Variants in CLUH observed in about 807,000 individuals in gnomAD.
CLUH encodes the protein clustered mitochondria protein homolog.
CLUH carries 77 observed loss-of-function variants against 139.3 expected under a neutral mutation model. The ratio of observed to expected loss-of-function variants is 0.55; its 90% CI spans 0.46 to 0.67. CLUH has a LOEUF of 0.67. CLUH is among the 30% of genes least tolerant of loss of function. The pLI, the probability that CLUH is intolerant of heterozygous loss-of-function variation, is 0.00. For missense variants in CLUH, 1,876 were observed against 1,875.8 expected (o/e 1.00, Z 0.00); for synonymous variants, 999 against 801.6 (o/e 1.25, Z -4.16).
chr17:2,695,081 G>C lies in CLUH; in HGVS notation c.2628C>G (p.Leu876=), dbSNP rs1567582706. ...TYLQGVELSG[L]SAAISHFLNC... ...TCAGGAAGTGGCTGATGGCGGCTGA[G>C]AGGCCGGAGAGCTCGACTCCCTGCG... is the stretch of plus-strand genomic sequence containing the variant. The change falls in exon 16 of 26, where the codon CTC becomes CTG. Residue 876 remains leucine, a synonymous_variant. Coordinates refer to ENST00000651024, the MANE Select transcript of CLUH (RefSeq NM_001366661.1). 1 of 1,612,190 alleles carries C rather than the reference G, an allele frequency of 6.2e-7. No individual in the cohort carries two copies. The highest frequency in any genetic ancestry group is 8.5e-7 in the Non-Finnish European group (1 of 1,179,106).
intron 25 of CLUH, among the ~76,000 whole-genome samples, chr17:2,691,330 G>A (rs1168343662): frequency 6.6e-6 from 1 of 152,132 alleles, no homozygotes; most frequent in Non-Finnish European, 1.5e-5. Flanking sequence ...CTGAGAGGCC[G>A]AGGCGGGCGG....
In CLUH at chr17:2,701,531, G is replaced by T; in HGVS notation, c.745-11C>A. 2 of 1,613,612 alleles carry T rather than the reference G, an allele frequency of 1.2e-6. No individual in the cohort carries two copies. The highest frequency in any genetic ancestry group is 8.5e-7 in the Non-Finnish European group (1 of 1,179,772). On this transcript the variant is annotated splice_polypyrimidine_tract_variant and intron_variant, in intron 5 of 25. Coordinates refer to ENST00000651024, the MANE Select transcript of CLUH (RefSeq NM_001366661.1). ...CAGGCACTGCAAGGGCTTCGGGAGC[G>T]GCCGAGTCTGAGGGGCCAGGCCTCT...
At position 2,707,953 on chromosome 17, in the gene CLUH, C is replaced by T. The variant is rs574642504; in HGVS notation, c.101-3389G>A. 3.8e-5 allele frequency: 37 copies of T among 985,438 alleles called. No homozygotes were observed. In the East Asian group the frequency reaches 3.7e-3, roughly 100 times the overall value. The allele number at this position is 985,438 out of a possible 1,614,324, so 61.0% of individuals were successfully genotyped here. A position where few individuals can be genotyped will look rare whatever the true frequency, so the allele number is the denominator to read the frequency against. On this transcript the variant is annotated intron_variant, in intron 1 of 25. Coordinates refer to ENST00000651024, the MANE Select transcript of CLUH (RefSeq NM_001366661.1). The surrounding 1 kb of genome is among the most constrained non-coding windows in gnomAD (Gnocchi z 7.4). ...CACCCGTGCCCCTGGCCTCCAGGCT[C>T]CATCAAGAAGCTGGCAGGCTCCATC...
At chr17:2,700,591 A>G in intron 8 of CLUH, 87 bp downstream of exon 8, 2 of 1,533,376 alleles carry the variant, frequency 1.3e-6, no homozygotes, top group Non-Finnish European at 1.8e-6. Flanking sequence ...GAAGTCAAGC[A>G]TGGGGCCTCC....
At chr17:2,691,950 CGCCCCGCCACG>C in intron 23 of CLUH, 43 bp downstream of exon 23, 1 of 1,097,244 alleles carries the variant, frequency 9.1e-7, no homozygotes. Flanking sequence ...GCCCCGCCCC[CGCCCCGCCACG>C]CCCCCGCCCC....
At chr17:2,697,032 A>T in intron 10 of CLUH, 90 bp from the exon 11 acceptor site, 1 of 997,360 alleles carries the variant, frequency 1.0e-6, no homozygotes, top group Non-Finnish European at 1.5e-6. Flanking sequence ...GGGGCTCCAC[A>T]CCCCGCAGGC....
At position 2,703,365 on chromosome 17, in the gene CLUH, C is replaced by T. The variant is rs550332953; in HGVS notation, c.428G>A (p.Arg143His). The change falls in exon 3 of 26, where the codon CGC (arginine) becomes CAC (histidine). Residue 143 changes from arginine to histidine, a missense_variant. This residue lies in a region of CLUH where 270 missense variants were observed against 354.7 expected (regional missense o/e 0.76). Transcript: ENST00000651024. This position sits in a 1 kb window ranked among gnomAD's most constrained non-coding sequence, Gnocchi z 4.2. ...GNVLDHFSEL[R>H]SVEGLQEGSV... ...GCCCTCCTGCAGCCCCTCGACGCTGCGCAGCTCCGAGAAGTGGTCCAGCAC... is the reference window on the plus strand; with the variant it reads ...GCCCTCCTGCAGCCCCTCGACGCTGTGCAGCTCCGAGAAGTGGTCCAGCAC... 5 of 1,613,054 alleles carry T rather than the reference C, an allele frequency of 3.1e-6. No individual in the cohort carries two copies. Among genetic ancestry groups the T allele is most frequent in the South Asian group, 1.1e-5 (1 of 90,870 alleles).
In CLUH at chr17:2,711,644, G is replaced by A. The variant is rs2070527737; in HGVS notation, c.18C>T (p.Asp6=). 1.0e-6 allele frequency: 1 copy of A among 984,484 alleles called. No individual in the cohort carries two copies. Among genetic ancestry groups the A allele is most frequent in the African/African-American group, 1.7e-5 (1 of 57,206 alleles). The allele number at this position is 984,484 out of a possible 1,614,324, so 61.0% of individuals were successfully genotyped here. ...CGGCCGGGGCGGCCGCCGGCAACTC[G>A]TCCGTCTTGATAACCATGGTGGCGG... The part of the protein sequence containing the change: MVIKT[D]ELPAAAPADS... Residue 6 remains aspartate (D), a synonymous_variant, in exon 1 of 26, where the codon GAC becomes GAT. Transcript: ENST00000651024.
Position 2,703,616 on chromosome 17 carries a change from G to T in CLUH, c.304-127C>A. 1 of 862,336 alleles carries T rather than the reference G, an allele frequency of 1.2e-6. No individual in the cohort carries two copies. Among genetic ancestry groups the T allele is most frequent in the Non-Finnish European group, 1.8e-6 (1 of 561,698 alleles). 53.4% of individuals were successfully genotyped at this position (862,336 alleles called of 1,614,324 possible). A position where few individuals can be genotyped will look rare whatever the true frequency, so the allele number is the denominator to read the frequency against. On this transcript the variant is annotated intron_variant, in intron 2 of 25. Coordinates refer to ENST00000651024, the MANE Select transcript of CLUH (RefSeq NM_001366661.1). This position sits in a 1 kb window ranked among gnomAD's most constrained non-coding sequence, Gnocchi z 4.2. The stretch of plus-strand genomic sequence containing the variant: ...AATATCCCCTTGTCCCCAGCCCAAA[G>T]TACCTTGGTCCCCAGAATAAATGCC...
chr17:2,693,862 A>C, intron 19 of CLUH, 38 bp downstream of exon 19: 1 of 1,574,630 alleles, frequency 6.4e-7, no homozygotes, highest in Admixed American at 1.9e-5. Flanking sequence ...ATCCCCCAAC[A>C]CGAGGCCAGG....
In CLUH at chr17:2,704,168, A is replaced by G. The variant is rs1382722069; in HGVS notation, c.303+194T>C. On this transcript the variant is annotated intron_variant, in intron 2 of 25. Coordinates refer to ENST00000651024, the MANE Select transcript of CLUH (RefSeq NM_001366661.1). This position sits in a 1 kb window ranked among gnomAD's most constrained non-coding sequence, Gnocchi z 5.7. ...CCCAGCTGGTTGCTGTCCTCTAGCA[A>G]TGGGGCAACGACCTGACCCTGGGCT... Among the ~76,000 whole-genome samples, 2 of 152,156 alleles carry G rather than the reference A, an allele frequency of 1.3e-5. No homozygotes were observed.
At position 2,703,289 on chromosome 17, in the gene CLUH, C is replaced by T. The variant is rs572068200; in HGVS notation, c.475+29G>A. 10 of 1,590,962 alleles carry T rather than the reference C, an allele frequency of 6.3e-6. No individual in the cohort carries two copies. The highest frequency in any genetic ancestry group is 4.6e-5 in the East Asian group (2 of 43,540). On this transcript the variant is annotated intron_variant, in intron 3 of 25. Coordinates refer to ENST00000651024, the MANE Select transcript of CLUH (RefSeq NM_001366661.1). This position sits in a 1 kb window ranked among gnomAD's most constrained non-coding sequence, Gnocchi z 4.2. ...GCCTCTGCCTCCGTGGGCCCTCCCC[C>T]GGGCAGGCTGTCCAACTTCCAGACC...
upstream of CLUH, chr17:2,711,784 G>T (rs866995106): frequency 7.2e-6 from 2 of 277,634 alleles, no homozygotes; most frequent in African/African-American, 2.3e-5. Context: ...GGTGCGCGCC[G>T]TGGCCTTTGA....
In CLUH at chr17:2,692,122, G is replaced by C. The variant is rs575129487; in HGVS notation, c.3561-25C>G. The C allele has an allele frequency of 4.1e-5, 64 of 1,576,940 alleles. 1 individual carries two copies. In the Admixed American group the frequency reaches 1.1e-3, roughly 27 times the overall value. ...GCTGCCGGGAGGCGCGGCGCGGGGC[G>C]AGGGAAGGGCATAAGTGGGCTGGGT... On this transcript the variant is annotated intron_variant, in intron 22 of 25. Coordinates refer to ENST00000651024, the MANE Select transcript of CLUH (RefSeq NM_001366661.1).
intron 10 of CLUH, among the ~76,000 whole-genome samples, chr17:2,697,401 G>GAAA (rs79574930): frequency 0.041 from 4,976 of 121,642 alleles, 324 homozygotes; most frequent in African/African-American, 0.14. Context: ...CTCCGTCTCA[G>GAAA]AAAAAAAAAA....
At position 2,691,874 on chromosome 17, in the gene CLUH, TC is replaced by T; in HGVS notation, c.3675del (p.Thr1226ProfsTer11). The T allele has an allele frequency of 6.5e-7, 1 of 1,542,264 alleles. No homozygotes were observed. Among genetic ancestry groups the T allele is most frequent in the Non-Finnish European group, 8.7e-7 (1 of 1,145,704 alleles). ...YKTQLGEDHE[K>X]TKESSEYLKC... is the part of the protein sequence containing the mutation. ...TTGAGGTACTCGGAGCTTTCCTTGGTCTTCTCATGGTCCTCGCCCAGCTGCG... is the reference window on the plus strand; with the variant it reads ...TTGAGGTACTCGGAGCTTTCCTTGGTTTCTCATGGTCCTCGCCCAGCTGCG... On this transcript the variant is annotated frameshift_variant, in exon 24 of 26. Transcript: ENST00000651024. LOFTEE classifies it high-confidence loss of function.
rs192146511 is a variant in CLUH, at chr17:2,691,085, C to T, written c.3864-308G>A. Among the ~76,000 whole-genome samples, 728 of 151,604 alleles carry T rather than the reference C, an allele frequency of 4.8e-3. 3 individuals are homozygous for T. The highest frequency in any genetic ancestry group is 8.1e-3 in the Non-Finnish European group (548 of 67,798). On this transcript the variant is annotated intron_variant, in intron 25 of 25. Transcript: ENST00000651024. ...ACCAAATCCACTCCCCACAGGAGGC[C>T]ACACTGCTTGTGGCCACCCCGGGGA...
At chr17:2,708,428 CCA>C (rs2151726159) in intron 1 of CLUH, among the ~76,000 whole-genome samples, 1 of 152,212 alleles carries the variant, frequency 6.6e-6, no homozygotes, top group East Asian at 1.9e-4. Flanking sequence ...ACTCTGATTA[CCA>C]CAGAGCCAGG....
Position 2,691,937 on chromosome 17 carries a change from GCGGCCC to G in CLUH, c.3655-48_3655-43del, listed in dbSNP as rs757854620. On this transcript the variant is annotated intron_variant, in intron 23 of 25. Coordinates refer to ENST00000651024, the MANE Select transcript of CLUH (RefSeq NM_001366661.1). The stretch of plus-strand genomic sequence containing the variant: ...AGGGATCAGGCCCCCCCGTGCCCCC[GCGGCCC>G]CGCCCCCGCCCCGCCACGCCCCCGC... The G allele has an allele frequency of 4.6e-4, 490 of 1,054,938 alleles. 8 individuals are homozygous for G. The South Asian group carries it at 5.3e-3, about 11-fold the overall frequency. The allele number at this position is 1,054,938 out of a possible 1,614,324, so 65.3% of individuals were successfully genotyped here. A position where few individuals can be genotyped will look rare whatever the true frequency, so the allele number is the denominator to read the frequency against.
Sources: allele counts gnomAD v4.1 joint callset (sites outside exome capture counted in the v4.1 genomes callset), GRCh38; gene constraint gnomAD v4.1.1; regional missense constraint gnomAD v4.1.1; non-coding constraint Gnocchi (gnomAD v3.1); transcripts MANE v1.5; gene names NCBI Gene and HGNC (gene_info 2026-07-23, HGNC 2026-07-21).